Variants in ADAMTS12 observed in about 807,000 individuals in gnomAD.
The protein encoded by ADAMTS12 is ADAM metallopeptidase with thrombospondin type 1 motif 12.
ADAMTS12 carries 118 observed loss-of-function variants against 167.8 expected under a neutral mutation model. The observed-to-expected ratio is 0.70, with a 90% CI of 0.61 to 0.82. The LOEUF (loss-of-function observed/expected upper bound fraction) is 0.82, where lower values mean the gene tolerates loss of function less well. Among genes scored for constraint, ADAMTS12 ranks in the 40% least tolerant of loss-of-function variants. ADAMTS12 has a pLI of 0.00. For synonymous variants in ADAMTS12, 704 were observed against 716.9 expected (o/e 0.98, Z 0.29); for missense variants, 1,916 against 1,998.8 (o/e 0.96, Z 0.79).
chr5:33,615,838 A>G lies in ADAMTS12; in HGVS notation c.2378T>C (p.Val793Ala), dbSNP rs1475489568. The change falls in exon 15 of 24, where the codon GTG (valine) becomes GCG (alanine). Residue 793 changes from valine to alanine, a missense_variant. Physicochemically the swap from Val to Ala is moderately conservative, Grantham distance 64 (BLOSUM62 0). Transcript: ENST00000504830. Reference sequence around the variant, plus strand: ...TCCTTTCTGCATTACCTGGATCCACACAGACTCATTGGTGGGACCTGTGGC... The same window carrying G: ...TCCTTTCTGCATTACCTGGATCCACGCAGACTCATTGGTGGGACCTGTGGC... ...LMATGPTNES[V>A]WIQLLFQVTN... The G allele has an allele frequency of 2.5e-6, 4 of 1,614,126 alleles. No individual in the cohort carries two copies. The highest frequency in any genetic ancestry group is 3.4e-6 in the Non-Finnish European group (4 of 1,179,996).
chr5:33,696,504 G>T (rs969142177), intron 3 of ADAMTS12, among the ~76,000 whole-genome samples: 3 of 152,010 alleles, frequency 2.0e-5, no homozygotes, highest in African/African-American at 7.3e-5. Flanking sequence ...GGTTAAATGA[G>T]GTTTGACAAT....
intron 2 of ADAMTS12, among the ~76,000 whole-genome samples, chr5:33,792,921 A>G (rs1250889226): frequency 6.6e-6 from 1 of 152,208 alleles, no homozygotes; most frequent in Admixed American, 6.5e-5. Context: ...CAATCTCCCA[A>G]GGTAGCCTTC....
intron 22 of ADAMTS12, among the ~76,000 whole-genome samples, chr5:33,538,630 C>T (rs532491331): frequency 6.6e-6 from 1 of 152,324 alleles, no homozygotes; most frequent in African/African-American, 2.4e-5. Context: ...CTACTCTTCC[C>T]TCCCTTCCCG....
intron 20 of ADAMTS12, among the ~76,000 whole-genome samples, chr5:33,556,954 C>T (rs185304810): frequency 1.3e-5 from 2 of 152,332 alleles, no homozygotes; most frequent in African/African-American, 4.8e-5. Context: ...TCTTTCTGCT[C>T]ATCCACCCAC....
chr5:33,649,424 C>T (rs1404676317), intron 8 of ADAMTS12, 130 bp downstream of exon 8: 3 of 1,182,254 alleles, frequency 2.5e-6, no homozygotes, highest in Non-Finnish European at 2.3e-6. Context: ...CCTTCTGATG[C>T]CACCCTGACA....
chr5:33,671,056 C>CAA (rs10673997), intron 5 of ADAMTS12, among the ~76,000 whole-genome samples: 145,035 of 152,188 alleles, frequency 0.95, 69,498 homozygotes, highest in Non-Finnish European at 1. Context: ...AATCCAGTCT[C>CAA]AAGTTATATC....
At chr5:33,568,001 C>T (rs1561131212) in intron 19 of ADAMTS12, among the ~76,000 whole-genome samples, 2 of 152,120 alleles carry the variant, frequency 1.3e-5, no homozygotes, top group Admixed American at 1.3e-4. Context: ...GTTTCCTTGC[C>T]TCTACAATAG....
chr5:33,750,293 G>C (rs1203681870), intron 3 of ADAMTS12, among the ~76,000 whole-genome samples: 1 of 152,200 alleles, frequency 6.6e-6, no homozygotes, highest in Non-Finnish European at 1.5e-5. Context: ...GTGTGTTTTT[G>C]TGTACAGAAA....
intron 19 of ADAMTS12, among the ~76,000 whole-genome samples, chr5:33,574,809 T>G (rs1040554147): frequency 5.3e-5 from 8 of 152,144 alleles, no homozygotes; most frequent in African/African-American, 1.9e-4. Context: ...CTTTATAAAT[T>G]GTTATACTCA....
chr5:33,759,953 G>C (rs957814301), intron 2 of ADAMTS12, among the ~76,000 whole-genome samples: 1 of 152,136 alleles, frequency 6.6e-6, no homozygotes, highest in African/African-American at 2.4e-5. Context: ...CTAGTCCAGA[G>C]GTTCTCCAAT....
At chr5:33,830,847 T>G (rs1032949217) in intron 2 of ADAMTS12, among the ~76,000 whole-genome samples, 2 of 152,176 alleles carry the variant, frequency 1.3e-5, no homozygotes, top group Admixed American at 6.5e-5. Context: ...ATGTATATAC[T>G]GATATAGACA....
intron 2 of ADAMTS12, among the ~76,000 whole-genome samples, chr5:33,806,042 T>C (rs149733322): frequency 6.6e-6 from 1 of 152,298 alleles, no homozygotes; most frequent in African/African-American, 2.4e-5. Context: ...ATATCTAAAA[T>C]TAGATACTTT....
intron 3 of ADAMTS12, among the ~76,000 whole-genome samples, chr5:33,684,809 A>G (rs1256552562): frequency 1.3e-5 from 2 of 152,228 alleles, no homozygotes; most frequent in African/African-American, 4.8e-5. Context: ...GAGGCTATAG[A>G]ATGATAAAGA....
At chr5:33,654,873 T>TG (rs1460318476) in intron 7 of ADAMTS12, among the ~76,000 whole-genome samples, 12 of 122,664 alleles carry the variant, frequency 9.8e-5, no homozygotes, top group East Asian at 2.5e-4. Flanking sequence ...TGTGGGTGAT[T>TG]TTGTGTGTGT....
chr5:33,885,905 T>C (rs927483927), intron 1 of ADAMTS12, among the ~76,000 whole-genome samples: 3 of 152,188 alleles, frequency 2.0e-5, no homozygotes, highest in African/African-American at 7.2e-5. Context: ...CAGCCTTAAA[T>C]GGCAGGCTTG....
chr5:33,860,629 A>G (rs1749573994), intron 2 of ADAMTS12, among the ~76,000 whole-genome samples: 1 of 152,206 alleles, frequency 6.6e-6, no homozygotes, highest in African/African-American at 2.4e-5. Flanking sequence ...GCCTAGCAAC[A>G]CAGGCCAACA....
chr5:33,832,422 C>T (rs1460507268), intron 2 of ADAMTS12, among the ~76,000 whole-genome samples: 2 of 152,132 alleles, frequency 1.3e-5, no homozygotes, highest in Non-Finnish European at 2.9e-5. Flanking sequence ...TGGATATGGG[C>T]ACAGTACATC....
chr5:33,725,756 G>A (rs549393725), intron 3 of ADAMTS12, among the ~76,000 whole-genome samples: 11 of 152,256 alleles, frequency 7.2e-5, no homozygotes, highest in African/African-American at 2.6e-4. Flanking sequence ...TGAGGACTTC[G>A]TGAGAAGATT....
intron 2 of ADAMTS12, among the ~76,000 whole-genome samples, chr5:33,805,403 T>G (rs141476137): frequency 6.6e-6 from 1 of 152,342 alleles, no homozygotes; most frequent in African/African-American, 2.4e-5. Flanking sequence ...TTGAGCCGTA[T>G]TCTCCATTGC....
Sources: allele counts gnomAD v4.1 joint callset (sites outside exome capture counted in the v4.1 genomes callset), GRCh38; gene constraint gnomAD v4.1.1; transcripts MANE v1.5; gene names NCBI Gene and HGNC (gene_info 2026-07-23, HGNC 2026-07-21).